The following MYOCD variants were observed in gnomAD, a reference collection of about 807,000 sequenced individuals.
The protein encoded by MYOCD is myocardin.
MYOCD carries 32 observed loss-of-function variants against 96.1 expected under a neutral mutation model. That is an observed-to-expected ratio of 0.33 (90% CI 0.25 to 0.45). MYOCD has a LOEUF of 0.45. MYOCD is among the 20% of genes least tolerant of loss of function. The pLI is 1.00. For synonymous variants in MYOCD, 469 were observed against 469.0 expected (o/e 1.00, Z 0.00); for missense variants, 1,133 against 1,200.6 (o/e 0.94, Z 0.83).
Position 12,713,585 on chromosome 17 carries a change from TAC to T in MYOCD, c.122-1932_122-1931del, listed in dbSNP as rs777142976. The stretch of plus-strand genomic sequence containing the variant: ...TGTAAGTAATTAAACTACACTAATA[TAC>T]AATACCTAACTAAATGATTACCAGG... On this transcript the variant is annotated intron_variant, in intron 2 of 13. Coordinates refer to ENST00000425538, the MANE Select transcript of MYOCD (RefSeq NM_001146312.3). 7.5e-4 allele frequency among the ~76,000 whole-genome samples: 114 copies of T among 152,320 alleles called. 1 individual carries two copies. Among genetic ancestry groups the T allele is most frequent in the Non-Finnish European group, 2.5e-4 (17 of 68,032 alleles).
At chr17:12,678,357 C>T (rs565437404) in intron 1 of MYOCD, among the ~76,000 whole-genome samples, 92 of 151,532 alleles carry the variant, frequency 6.1e-4, no homozygotes, top group Admixed American at 2.4e-3. Flanking sequence ...ACTTATTCTC[C>T]GGTGAGGTGT....
intron 2 of MYOCD, among the ~76,000 whole-genome samples, chr17:12,713,706 G>T (rs988790829): frequency 6.6e-6 from 1 of 152,068 alleles, no homozygotes; most frequent in Admixed American, 6.5e-5. Flanking sequence ...TTGCTTAGGG[G>T]GAAAGGGAGT....
At chr17:12,732,102 A>G (rs28730819) in intron 5 of MYOCD, among the ~76,000 whole-genome samples, 1 of 152,254 alleles carries the variant, frequency 6.6e-6, no homozygotes, top group Non-Finnish European at 1.5e-5. Flanking sequence ...GAGGAGTCAT[A>G]TTTGGGGCCT....
chr17:12,740,611 G>A (rs1031945307), intron 7 of MYOCD, among the ~76,000 whole-genome samples: 1 of 152,110 alleles, frequency 6.6e-6, no homozygotes, highest in Admixed American at 6.5e-5. Flanking sequence ...TTGCACTTGC[G>A]ACTCGTGCTT....
intron 10 of MYOCD, among the ~76,000 whole-genome samples, chr17:12,755,395 G>T (rs1226621966): frequency 6.6e-6 from 1 of 152,130 alleles, no homozygotes; most frequent in Non-Finnish European, 1.5e-5. Flanking sequence ...CGGATCACAA[G>T]GTCAAGAGTT....
chr17:12,688,474 T>C (rs1031073665), intron 1 of MYOCD, among the ~76,000 whole-genome samples: 3 of 149,670 alleles, frequency 2.0e-5, no homozygotes, highest in African/African-American at 4.9e-5. Context: ...CCTTCCATCT[T>C]CTTCCTTCCT....
intron 5 of MYOCD, among the ~76,000 whole-genome samples, chr17:12,730,700 C>T (rs767319841): frequency 6.6e-6 from 1 of 152,162 alleles, no homozygotes; most frequent in Non-Finnish European, 1.5e-5. Flanking sequence ...GTACGACTTT[C>T]TCCCTTAGGA....
Position 12,763,685 on chromosome 17 carries a change from C to T in MYOCD, c.*41C>T. 1 of 1,533,272 alleles carries T rather than the reference C, an allele frequency of 6.5e-7. No homozygotes were observed. Among genetic ancestry groups the T allele is most frequent in the Non-Finnish European group, 8.9e-7 (1 of 1,125,812 alleles). The allele number at this position is 1,533,272 out of a possible 1,614,324, so 95.0% of individuals were successfully genotyped here. A position where few individuals can be genotyped will look rare whatever the true frequency, so the allele number is the denominator to read the frequency against. On this transcript the variant is annotated 3_prime_UTR_variant, in exon 14 of 14. Coordinates refer to ENST00000425538, the MANE Select transcript of MYOCD (RefSeq NM_001146312.3). ...AGTGCTATGGAAGACCAATGGAGTTCCATGGGGGAAAGCACACAGCCATAC... is the reference window on the plus strand; with the variant it reads ...AGTGCTATGGAAGACCAATGGAGTTTCATGGGGGAAAGCACACAGCCATAC...
chr17:12,734,139 C>T (rs2032267484), intron 5 of MYOCD, among the ~76,000 whole-genome samples: 1 of 152,030 alleles, frequency 6.6e-6, no homozygotes, highest in Non-Finnish European at 1.5e-5. Flanking sequence ...GGTTAATTTC[C>T]TCTAATTTGT....
intron 1 of MYOCD, among the ~76,000 whole-genome samples, chr17:12,675,284 G>T (rs1909949788): frequency 6.6e-6 from 1 of 152,136 alleles, no homozygotes; most frequent in South Asian, 2.1e-4. Context: ...TATCGTGTTG[G>T]TGAGCTATCC....
At chr17:12,667,683 C>G (rs1909452579) in intron 1 of MYOCD, among the ~76,000 whole-genome samples, 1 of 152,162 alleles carries the variant, frequency 6.6e-6, no homozygotes, top group Non-Finnish European at 1.5e-5. Flanking sequence ...TGGTGATGTA[C>G]TTGATAGTAG....
chr17:12,700,558 C>CG (rs2031019876), intron 1 of MYOCD, among the ~76,000 whole-genome samples: 3 of 151,512 alleles, frequency 2.0e-5, no homozygotes, highest in Admixed American at 2.0e-4. Flanking sequence ...GGACTACAGG[C>CG]ACCCCCCACC....
chr17:12,686,660 T>C (rs1254766440), intron 1 of MYOCD, among the ~76,000 whole-genome samples: 1 of 152,178 alleles, frequency 6.6e-6, no homozygotes. Flanking sequence ...ATGGGTCTGA[T>C]GAAATGATAG....
intron 1 of MYOCD, among the ~76,000 whole-genome samples, chr17:12,697,079 C>A (rs929980472): frequency 6.6e-6 from 1 of 151,948 alleles, no homozygotes. Flanking sequence ...AATGCCTAGT[C>A]CAATGTAGGG....
intron 2 of MYOCD, among the ~76,000 whole-genome samples, chr17:12,714,419 A>G (rs1016778806): frequency 2.6e-5 from 4 of 151,252 alleles, no homozygotes; most frequent in Admixed American, 1.3e-4. Context: ...AGAATATTTC[A>G]TCACCTGCAG....
Position 12,722,954 on chromosome 17 carries a change from C to G in MYOCD, c.361C>G (p.Leu121Val). ...KIALRPGPLE[L>V]VEKNILPVDS... is the part of the protein sequence containing the mutation. ...TGCTCTACGACCAGGGCCACTGGAGCTGGTGGAAAAAAACATTCTTCCTGT... is the reference window on the plus strand; with the variant it reads ...TGCTCTACGACCAGGGCCACTGGAGGTGGTGGAAAAAAACATTCTTCCTGT... Residue 121 changes from leucine (L) to valine (V), a missense_variant, in exon 5 of 14, where the codon CTG becomes GTG. Transcript: ENST00000425538. The G allele has an allele frequency of 6.2e-7, 1 of 1,613,680 alleles. No homozygotes were observed. Among genetic ancestry groups the G allele is most frequent in the Non-Finnish European group, 8.5e-7 (1 of 1,179,882 alleles).
In MYOCD at chr17:12,763,054, C is replaced by G; in HGVS notation, c.2390-19C>G. ...CAATTTGAAGTGATTTAACAAGTCACATCGTGTATTGCCCACAGAAATGCC... is the reference window on the plus strand; with the variant it reads ...CAATTTGAAGTGATTTAACAAGTCAGATCGTGTATTGCCCACAGAAATGCC... On this transcript the variant is annotated intron_variant, in intron 13 of 13. Coordinates refer to ENST00000425538, the MANE Select transcript of MYOCD (RefSeq NM_001146312.3). The G allele has an allele frequency of 1.3e-6, 2 of 1,582,994 alleles. No homozygotes were observed. Among genetic ancestry groups the G allele is most frequent in the East Asian group, 4.5e-5 (2 of 44,680 alleles).
intron 1 of MYOCD, among the ~76,000 whole-genome samples, chr17:12,693,337 C>T (rs1405460142): frequency 2.0e-5 from 3 of 151,878 alleles, no homozygotes; most frequent in African/African-American, 4.8e-5. Context: ...AGACCAGTCA[C>T]GGTGTCTCAC....
intron 1 of MYOCD, among the ~76,000 whole-genome samples, chr17:12,678,700 T>C (rs1173105559): frequency 6.6e-6 from 1 of 151,988 alleles, no homozygotes; most frequent in East Asian, 1.9e-4. Context: ...TATTATTATT[T>C]ATTATTATTA....
Sources: allele counts gnomAD v4.1 joint callset (sites outside exome capture counted in the v4.1 genomes callset), GRCh38; gene constraint gnomAD v4.1.1; transcripts MANE v1.5; gene names NCBI Gene and HGNC (gene_info 2026-07-23, HGNC 2026-07-21).